Variants in SS18 observed in about 807,000 individuals in gnomAD.
SS18 encodes protein SSXT.
Under a neutral mutation model 72.5 loss-of-function variants are expected in SS18, and 28 were observed. The ratio of observed to expected loss-of-function variants is 0.39; its 90% CI spans 0.29 to 0.53. SS18 has a LOEUF of 0.53. SS18 is among the 20% of genes least tolerant of loss of function. SS18 has a pLI of 0.76. For missense variants in SS18, 518 were observed against 535.3 expected (o/e 0.97, Z 0.32); for synonymous variants, 172 against 164.2 (o/e 1.05, Z -0.37).
chr18:26,090,660 C>G, upstream of SS18: 1 of 1,341,248 alleles, frequency 7.5e-7, no homozygotes, highest in South Asian at 1.3e-5. Context: ...GCTGAACCAC[C>G]TCGGGAATGC....
intron 2 of SS18, chr18:26,080,214 T>G: frequency 2.9e-6 from 1 of 342,782 alleles, no homozygotes; most frequent in South Asian, 1.2e-4. Flanking sequence ...CATTATTCTG[T>G]AGAGATCTAG....
In SS18 at chr18:26,023,159, C is replaced by G. The variant is rs372526310; in HGVS notation, c.1231-4779G>C. Reference sequence around the variant, plus strand: ...TCTGGAATCCAATCAAAGATTATCACGCACACAAAGGACAGAGAAAAAAAA... The same window carrying G: ...TCTGGAATCCAATCAAAGATTATCAGGCACACAAAGGACAGAGAAAAAAAA... On this transcript the variant is annotated intron_variant, in intron 10 of 10. Transcript: ENST00000415083. Among the ~76,000 whole-genome samples the G allele has an allele frequency of 3.9e-5, 6 of 152,216 alleles. No homozygotes were observed. The South Asian group carries it at 1.2e-3, about 32-fold the overall frequency.
chr18:26,090,535 C>CCT lies in SS18; in HGVS notation c.33_34dup (p.Gly12GlufsTer25). On this transcript the variant is annotated frameshift_variant, in exon 1 of 11. Transcript: ENST00000415083. LOFTEE classifies it high-confidence loss of function. ...CGCAGCGGGAGTGATCTCCCCCTTG[C>CCT]CTCGCTGCCTCGGGGCCGCGAAAGC... The CCT allele has an allele frequency of 6.3e-7, 1 of 1,588,298 alleles. No homozygotes were observed. The highest frequency in any genetic ancestry group is 8.6e-7 in the Non-Finnish European group (1 of 1,168,080).
Position 26,017,236 on chromosome 18 carries a change from T to C in SS18, c.*1118A>G. The C allele has an allele frequency of 5.0e-6, 1 of 198,804 alleles. No homozygotes were observed. The highest frequency in any genetic ancestry group is 1.0e-5 in the Non-Finnish European group (1 of 96,210). The allele number at this position is 198,804 out of a possible 1,614,324, so 12.3% of individuals were successfully genotyped here. On this transcript the variant is annotated 3_prime_UTR_variant, in exon 11 of 11. Coordinates refer to ENST00000415083, the MANE Select transcript of SS18 (RefSeq NM_001007559.3). ...AATAAGCATTTTCCTAAATATCTCT[T>C]TGTGTTATATCAACCAACATAAAAA...
At chr18:26,090,161 C>G (rs2054694606) in intron 1 of SS18, 1 of 299,008 alleles carries the variant, frequency 3.3e-6, no homozygotes, top group Non-Finnish European at 6.1e-6. Context: ...CGCGGGGCCG[C>G]CGGTCCGACA....
intron 2 of SS18, 92 bp downstream of exon 2, chr18:26,087,409 G>A (rs891132358): frequency 7.0e-5 from 51 of 727,032 alleles, no homozygotes; most frequent in Middle Eastern, 3.9e-4. Flanking sequence ...TGTATGGTAT[G>A]TGAATTATAT....
At chr18:26,061,267 C>T (rs971883903) in intron 3 of SS18, among the ~76,000 whole-genome samples, 1 of 152,156 alleles carries the variant, frequency 6.6e-6, no homozygotes, top group East Asian at 1.9e-4. Context: ...GAGCCGAGAT[C>T]GTGCCACTGC....
chr18:26,019,139 T>C lies in SS18; in HGVS notation c.1231-759A>G, dbSNP rs1165361465. ...GGGGGTAAACAATGTCCAGTATACA[T>C]CTGTTCAGGTTAACTTTTGGAGAAG... On this transcript the variant is annotated intron_variant, in intron 10 of 10. Transcript: ENST00000415083. Among the ~76,000 whole-genome samples, 4 of 152,148 alleles carry C rather than the reference T, an allele frequency of 2.6e-5. No individual in the cohort carries two copies. The East Asian group carries it at 7.7e-4, about 29-fold the overall frequency.
chr18:26,079,541 C>A (rs988481594), intron 2 of SS18, among the ~76,000 whole-genome samples: 7 of 152,262 alleles, frequency 4.6e-5, no homozygotes, highest in South Asian at 2.1e-4. Context: ...CTAAAATAGA[C>A]ACCATAAAAG....
At chr18:26,075,033 C>T (rs940356179) in intron 3 of SS18, among the ~76,000 whole-genome samples, 2 of 151,714 alleles carry the variant, frequency 1.3e-5, no homozygotes, top group Admixed American at 6.6e-5. Context: ...CCAAAATAGG[C>T]AATTTATAAA....
At position 26,036,237 on chromosome 18, in the gene SS18, T is replaced by G. The variant is rs563775801; in HGVS notation, c.881-314A>C. On this transcript the variant is annotated intron_variant, in intron 7 of 10. Transcript: ENST00000415083. ...ACAAAGAGAATAAAAGTCTTTCACA[T>G]GTAAATAACCTAAATTAAATTAGAA... 2.0e-3 allele frequency among the ~76,000 whole-genome samples: 301 copies of G among 152,258 alleles called. 2 individuals are homozygous for G. The highest frequency in any genetic ancestry group is 7.0e-3 in the African/African-American group (290 of 41,554).
intron 3 of SS18, among the ~76,000 whole-genome samples, chr18:26,060,955 C>CAA (rs768913124): frequency 0.081 from 7,380 of 91,676 alleles, 590 homozygotes; most frequent in African/African-American, 0.23. Context: ...AACTTTGTCT[C>CAA]AAAAAAAAAA....
intron 4 of SS18, among the ~76,000 whole-genome samples, chr18:26,054,743 C>T (rs12953517): frequency 1.5e-5 from 2 of 134,108 alleles, no homozygotes; most frequent in African/African-American, 6.2e-5. Flanking sequence ...ATCTCTCTCT[C>T]TTTTTTTTTT....
At chr18:26,055,674 AAT>A (rs2054005130) in intron 4 of SS18, among the ~76,000 whole-genome samples, 1 of 152,066 alleles carries the variant, frequency 6.6e-6, no homozygotes, top group Non-Finnish European at 1.5e-5. Context: ...AAATAAAGAA[AAT>A]ATAAGTTACT....
chr18:26,073,668 A>G (rs1201194290), intron 3 of SS18, among the ~76,000 whole-genome samples: 1 of 152,214 alleles, frequency 6.6e-6, no homozygotes, highest in African/African-American at 2.4e-5. Context: ...AAAGAAAAAG[A>G]TAGTTTCAGT....
In SS18 at chr18:26,052,754, G is replaced by A; in HGVS notation, c.477C>T (p.Ser159=). 1 of 1,614,130 alleles carries A rather than the reference G, an allele frequency of 6.2e-7. No homozygotes were observed. The highest frequency in any genetic ancestry group is 8.5e-7 in the Non-Finnish European group (1 of 1,180,000). ...SMNMPSSSHG[S]MGGYNHSVPS... ...GCACAGAATGGTTGTAACCTCCCAT[G>A]GATCCATGGCTACTTGAAGGCATAT... Residue 159 remains serine (S), a synonymous_variant, in exon 5 of 11, where the codon TCC becomes TCT. Transcript: ENST00000415083.
chr18:26,016,735 C>G lies in SS18; in HGVS notation c.*1619G>C. The G allele has an allele frequency of 4.5e-6, 1 of 221,440 alleles. No individual in the cohort carries two copies. Among genetic ancestry groups the G allele is most frequent in the Non-Finnish European group, 9.0e-6 (1 of 110,828 alleles). The allele number at this position is 221,440 out of a possible 1,614,324, so 13.7% of individuals were successfully genotyped here. ...CAAGACTCCATCTCAAAAAAAAAAA[C>G]AAAGAACAAAAAACAAAAACAAAAA... On this transcript the variant is annotated 3_prime_UTR_variant, in exon 11 of 11. Coordinates refer to ENST00000415083, the MANE Select transcript of SS18 (RefSeq NM_001007559.3).
chr18:26,031,507 T>C (rs974182016), intron 10 of SS18, among the ~76,000 whole-genome samples: 8 of 152,172 alleles, frequency 5.3e-5, no homozygotes, highest in African/African-American at 7.2e-5. Context: ...CCACCTTCAC[T>C]GAAAAGTGCA....
chr18:26,072,794 CTCAAAAA>C (rs1265244709), intron 3 of SS18, among the ~76,000 whole-genome samples: 28 of 59,378 alleles, frequency 4.7e-4, no homozygotes, highest in African/African-American at 3.9e-3. Flanking sequence ...GAGACTCCGT[CTCAAAAA>C]AAAAAAAAAA....
Sources: gnomAD v4.1 joint callset for allele counts (sites outside exome capture counted in the v4.1 genomes callset) on GRCh38, gnomAD v4.1.1 for gene constraint, MANE v1.5 for transcripts, NCBI Gene and HGNC (gene_info 2026-07-23, HGNC 2026-07-21) for gene names.